GRM8: variants seen among roughly 807,000 people sequenced by gnomAD.
The protein encoded by GRM8 is metabotropic glutamate receptor 8.
A neutral mutation model predicts 87.2 loss-of-function variants in GRM8; 47 were observed. The ratio of observed to expected loss-of-function variants is 0.54; its 90% confidence interval spans 0.43 to 0.69. GRM8 has a LOEUF of 0.69. Ranked by LOEUF, GRM8 falls within the 30% of genes least tolerant of loss-of-function variation. The pLI is 0.00. For missense variants in GRM8, 1,019 were observed against 1,139.2 expected, an observed-to-expected ratio of 0.89 and a Z score of 1.52; for synonymous variants, 396 against 404.5, an observed-to-expected ratio of 0.98 and a Z score of 0.25.
rs182302416 is a variant in GRM8 at position 126,893,774 on chromosome 7, C to T, written c.1156+8768G>A. Among the ~76,000 whole-genome samples the T allele has an allele frequency of 4.3e-3, 658 of 152,030 alleles. 1 individual carries two copies. The highest frequency in any genetic ancestry group is 0.017 in the Middle Eastern group (5 of 294). ...GTAATAAAAAAAAATCAAGACTCTT[C>T]GGTAGTCTTGATTTCTCAATTAGCC... On this transcript the variant is annotated intron_variant, in intron 6 of 10. Coordinates refer to ENST00000339582, the MANE Select transcript of GRM8 (RefSeq NM_000845.3).
intron 3 of GRM8, among the ~76,000 whole-genome samples, chr7:127,106,218 G>A (rs780547070): frequency 1.7e-4 from 26 of 152,146 alleles, no homozygotes; most frequent in Non-Finnish European, 3.2e-4. Flanking sequence ...TGGCTCTAAT[G>A]TGCCAGCAAA....
chr7:127,154,376 T>A (rs1792594447), intron 2 of GRM8, among the ~76,000 whole-genome samples: 1 of 152,084 alleles, frequency 6.6e-6, no homozygotes. Flanking sequence ...AGTGATGTTG[T>A]AAGTCCCAAG....
chr7:127,030,649 C>A (rs1455167294), intron 3 of GRM8, among the ~76,000 whole-genome samples: 1 of 152,080 alleles, frequency 6.6e-6, no homozygotes, highest in Non-Finnish European at 1.5e-5. Context: ...CTATTTGGAA[C>A]ACTTCTAAAC....
At chr7:126,888,942 G>A (rs1800742491) in intron 6 of GRM8, among the ~76,000 whole-genome samples, 1 of 147,566 alleles carries the variant, frequency 6.8e-6, no homozygotes, top group African/African-American at 2.6e-5. Flanking sequence ...GGTTATATAT[G>A]GGTCAAAGAT....
chr7:127,099,536 A>C (rs1464307800), intron 3 of GRM8, among the ~76,000 whole-genome samples: 2 of 152,222 alleles, frequency 1.3e-5, no homozygotes, highest in African/African-American at 4.8e-5. Flanking sequence ...CACTTACCCC[A>C]GTCTGGAACC....
chr7:126,850,356 G>C (rs1240889691), intron 6 of GRM8, among the ~76,000 whole-genome samples: 1 of 152,052 alleles, frequency 6.6e-6, no homozygotes, highest in Non-Finnish European at 1.5e-5. Flanking sequence ...GTGCTTCAGG[G>C]CCCAGTCCTT....
intron 6 of GRM8, among the ~76,000 whole-genome samples, chr7:126,827,913 T>C (rs1173828235): frequency 6.6e-6 from 1 of 152,232 alleles, no homozygotes; most frequent in African/African-American, 2.4e-5. Context: ...TGAGAATTTT[T>C]AGCATGAAGG....
At chr7:126,985,747 G>A (rs1485182796) in intron 3 of GRM8, among the ~76,000 whole-genome samples, 1 of 152,028 alleles carries the variant, frequency 6.6e-6, no homozygotes, top group East Asian at 1.9e-4. Context: ...CACTTCTGAT[G>A]ACAACCCATT....
intron 2 of GRM8, among the ~76,000 whole-genome samples, chr7:127,162,363 G>A (rs565422390): frequency 1.3e-5 from 2 of 152,110 alleles, no homozygotes; most frequent in Non-Finnish European, 2.9e-5. Flanking sequence ...CCATACCTCC[G>A]TTCAGGGCTT....
intron 7 of GRM8, among the ~76,000 whole-genome samples, chr7:126,727,090 A>T (rs988542081): frequency 1.3e-5 from 2 of 151,928 alleles, no homozygotes; most frequent in Admixed American, 6.6e-5. Flanking sequence ...TCATAAAAAT[A>T]AAATAATTTT....
intron 9 of GRM8, among the ~76,000 whole-genome samples, chr7:126,462,007 C>T (rs1803944282): frequency 6.6e-6 from 1 of 151,604 alleles, no homozygotes; most frequent in Non-Finnish European, 1.5e-5. Flanking sequence ...ATATTTCTCA[C>T]TTCTCATAAT....
At chr7:126,931,803 T>G (rs747309018) in intron 3 of GRM8, among the ~76,000 whole-genome samples, 51 of 152,348 alleles carry the variant, frequency 3.3e-4, no homozygotes, top group Non-Finnish European at 6.2e-4. Flanking sequence ...CAGCCAGTGC[T>G]ATTGAGTGAC....
chr7:127,134,154 G>C (rs766501313), intron 2 of GRM8, among the ~76,000 whole-genome samples: 2 of 152,154 alleles, frequency 1.3e-5, no homozygotes, highest in Non-Finnish European at 2.9e-5. Flanking sequence ...CTAGGCATTA[G>C]CTGCTATGAT....
intron 3 of GRM8, among the ~76,000 whole-genome samples, chr7:126,987,732 G>A (rs1812251285): frequency 6.6e-6 from 1 of 152,144 alleles, no homozygotes; most frequent in Admixed American, 6.5e-5. Context: ...CAAAGTGCTG[G>A]GATTACAGGC....
At chr7:126,563,179 T>G (rs991322788) in intron 8 of GRM8, among the ~76,000 whole-genome samples, 3 of 152,162 alleles carry the variant, frequency 2.0e-5, no homozygotes, top group African/African-American at 7.2e-5. Context: ...GGCATAACAT[T>G]CTACCCCTCG....
At chr7:127,007,855 C>T (rs144394367) in intron 3 of GRM8, among the ~76,000 whole-genome samples, 2,677 of 152,058 alleles carry the variant, frequency 0.018, 29 homozygotes, top group Non-Finnish European at 0.026. Flanking sequence ...TGTTAAAACT[C>T]CTAACTTCCA....
At chr7:127,223,484 C>A (rs1797097682) in intron 2 of GRM8, among the ~76,000 whole-genome samples, 1 of 142,966 alleles carries the variant, frequency 7.0e-6, no homozygotes, top group Non-Finnish European at 1.5e-5. Context: ...CACACACACA[C>A]ACAAAACTGT....
chr7:126,461,924 T>C (rs1349871556), intron 9 of GRM8, among the ~76,000 whole-genome samples: 5 of 151,662 alleles, frequency 3.3e-5, no homozygotes, highest in Non-Finnish European at 7.4e-5. Flanking sequence ...TAAAGAGTTA[T>C]GTCACATGCT....
chr7:126,856,624 G>A (rs1231943531), intron 6 of GRM8, among the ~76,000 whole-genome samples: 1 of 152,172 alleles, frequency 6.6e-6, no homozygotes, highest in Non-Finnish European at 1.5e-5. Flanking sequence ...TGTAGATAAA[G>A]CAGGAAATAT....
Sources: allele counts gnomAD v4.1 joint callset (sites outside exome capture counted in the v4.1 genomes callset), GRCh38; gene constraint gnomAD v4.1.1; transcripts MANE v1.5; gene names NCBI Gene and HGNC (gene_info 2026-07-23, HGNC 2026-07-21).